Variants in ENPP7 observed in about 807,000 individuals in gnomAD.
ENPP7 encodes the protein ectonucleotide pyrophosphatase/phosphodiesterase 7, also known as ectonucleotide pyrophosphatase/phosphodiesterase family member 7.
A neutral mutation model predicts 33.6 loss-of-function variants in ENPP7; 39 were observed. The ratio of observed to expected loss-of-function variants is 1.16; its 90% CI spans 0.90 to 1.52. The LOEUF is 1.52. Ranked by LOEUF, ENPP7 falls within the 40% of genes most tolerant of loss-of-function variation. The pLI, the probability that ENPP7 is intolerant of heterozygous loss-of-function variation, is 0.00. For synonymous variants in ENPP7, 244 were observed against 274.3 expected, an observed-to-expected ratio of 0.89 and a Z score of 1.09; for missense variants, 594 against 641.0, an observed-to-expected ratio of 0.93 and a Z score of 0.79.
Position 79,731,291 on chromosome 17 carries a change from C to A in ENPP7, c.152C>A (p.Thr51Asn), listed in dbSNP as rs781940890. ...TGGAACTACGACCAGGACGTGGACACCCCCAACCTGGACGCCATGGCCCGA... is the reference window on the plus strand; with the variant it reads ...TGGAACTACGACCAGGACGTGGACAACCCCAACCTGGACGCCATGGCCCGA... ...FRWNYDQDVD[T>N]PNLDAMARDG... is the part of the protein sequence containing the mutation. The change falls in exon 1 of 6, where the codon ACC (threonine) becomes AAC (asparagine). Residue 51 changes from threonine (T) to asparagine (N), a missense_variant. Thr to Asn is a moderately conservative substitution (Grantham distance 65). Around this residue, in one of 3 missense-constraint regions of ENPP7, gnomAD observed 85 missense variants for 111.3 expected, o/e 0.76. Coordinates refer to ENST00000328313, the MANE Select transcript of ENPP7 (RefSeq NM_178543.5). 5 of 1,613,582 alleles carry A rather than the reference C, an allele frequency of 3.1e-6. No individual in the cohort carries two copies. Among genetic ancestry groups the A allele is most frequent in the South Asian group, 1.1e-5 (1 of 91,060 alleles).
intron 2 of ENPP7, among the ~76,000 whole-genome samples, chr17:79,733,923 G>A (rs1247282241): frequency 1.3e-5 from 2 of 152,210 alleles, no homozygotes; most frequent in Non-Finnish European, 2.9e-5. Flanking sequence ...GGGAGCAAGA[G>A]GGATTGCTCT....
At position 79,735,549 on chromosome 17, in the gene ENPP7, C is replaced by A. The variant is rs377163633; in HGVS notation, c.906C>A (p.Asp302Glu). The A allele has an allele frequency of 6.2e-7, 1 of 1,613,896 alleles. No individual in the cohort carries two copies. Among genetic ancestry groups the A allele is most frequent in the Admixed American group, 1.7e-5 (1 of 60,018 alleles). ...AGAAGGTGTACGATGCCCTCAAGGACGCCCACCCCAAGCTCCACGTCTACA... is the reference window on the plus strand; with the variant it reads ...AGAAGGTGTACGATGCCCTCAAGGAAGCCCACCCCAAGCTCCACGTCTACA... ...RLEKVYDALK[D>E]AHPKLHVYKK... The change falls in exon 3 of 6, where the codon GAC becomes GAA. Residue 302 changes from aspartate (D) to glutamate (E), a missense_variant. Transcript: ENST00000328313. The surrounding 1 kb of genome is among the most constrained non-coding windows in gnomAD (Gnocchi z 5.5).
rs1555822906 is a variant in ENPP7, at chr17:79,733,356, G to A, written c.254-152G>A. 1.6e-5 allele frequency: 12 copies of A among 747,620 alleles called. No individual in the cohort carries two copies. In the South Asian group the frequency reaches 1.9e-4, roughly 12 times the overall value. 46.3% of individuals were successfully genotyped at this position (747,620 alleles called of 1,614,324 possible). A position where few individuals can be genotyped will look rare whatever the true frequency, so the allele number is the denominator to read the frequency against. On this transcript the variant is annotated intron_variant, in intron 1 of 5. Transcript: ENST00000328313. ...CTCCCACGGGGCAGTGCAGGAGGAAGTCTGCTCCCCCCAGCCCTGCCCCAG... is the reference window on the plus strand; with the variant it reads ...CTCCCACGGGGCAGTGCAGGAGGAAATCTGCTCCCCCCAGCCCTGCCCCAG...
In ENPP7 at chr17:79,737,095, G is replaced by C. The variant is rs782087370; in HGVS notation, c.1081G>C (p.Asp361His). The change falls in exon 4 of 6, where the codon GAC becomes CAC. Residue 361 changes from aspartate to histidine, a missense_variant. By Grantham distance (81) the Asp-to-His change is moderately conservative. This residue lies in a region of ENPP7 where 504 missense variants were observed against 512.8 expected (regional missense o/e 0.98). Transcript: ENST00000328313. This position sits in a 1 kb window ranked among gnomAD's most constrained non-coding sequence, Gnocchi z 5.5. ...GEHGFDNKDM[D>H]MKTIFRAVGP... ...GCACGGCTTTGACAACAAGGACATG[G>C]ACATGAAGACCATCTTCCGCGCTGT... 8 of 1,614,176 alleles carry C rather than the reference G, an allele frequency of 5.0e-6. No homozygotes were observed. The South Asian group carries it at 8.8e-5, about 18-fold the overall frequency.
In ENPP7 at chr17:79,737,286, C is replaced by T. The variant is rs782448727; in HGVS notation, c.1246+26C>T. 7.0e-5 allele frequency: 108 copies of T among 1,552,084 alleles called. No homozygotes were observed. The highest frequency in any genetic ancestry group is 1.8e-4 in the Middle Eastern group (1 of 5,502). On this transcript the variant is annotated intron_variant, in intron 4 of 5. Transcript: ENST00000328313. This position sits in a 1 kb window ranked among gnomAD's most constrained non-coding sequence, Gnocchi z 5.5. ...GTGAGGGCAGGGTGCCCCAAATCCC[C>T]GCCTGCTCTGGTGTGTACACGTGTG...
rs782320554 is a variant in ENPP7 at position 79,735,269 on chromosome 17, C to A, written c.626C>A (p.Ser209Tyr). The change falls in exon 3 of 6, where the codon TCC becomes TAC. Residue 209 changes from serine (S) to tyrosine (Y), a missense_variant. This residue lies in a region of ENPP7 where 504 missense variants were observed against 512.8 expected (regional missense o/e 0.98). Transcript: ENST00000328313. The surrounding 1 kb of genome is among the most constrained non-coding windows in gnomAD (Gnocchi z 5.5). ...DSTGHRYGPE[S>Y]PERREMVRQV... is the part of the protein sequence containing the mutation. ...ACGGGCCACAGGTACGGCCCCGAGTCCCCGGAGAGGAGGGAGATGGTGCGG... is the reference window on the plus strand; with the variant it reads ...ACGGGCCACAGGTACGGCCCCGAGTACCCGGAGAGGAGGGAGATGGTGCGG... 1.9e-6 allele frequency: 3 copies of A among 1,613,384 alleles called. No individual in the cohort carries two copies. Among genetic ancestry groups the A allele is most frequent in the South Asian group, 1.1e-5 (1 of 91,072 alleles).
At position 79,739,809 on chromosome 17, in the gene ENPP7, G is replaced by A. The variant is rs901448800; in HGVS notation, c.*16+1747G>A. ...CTCAATGAAAGCCCCCAGCCAGAAG[G>A]AGTGGACTGAGAAGAGATGGTGACC... On this transcript the variant is annotated intron_variant, in intron 5 of 5. Transcript: ENST00000328313. The surrounding 1 kb of genome is among the most constrained non-coding windows in gnomAD (Gnocchi z 4.4). Among the ~76,000 whole-genome samples the A allele has an allele frequency of 7.9e-5, 12 of 152,238 alleles. No homozygotes were observed. Among genetic ancestry groups the A allele is most frequent in the Non-Finnish European group, 1.6e-4 (11 of 68,040 alleles).
chr17:79,733,387 C>G (rs943152806), intron 1 of ENPP7, 121 bp from the exon 2 acceptor site: 1 of 1,056,170 alleles, frequency 9.5e-7, no homozygotes, highest in Non-Finnish European at 1.4e-6. Context: ...CCCAGGCCCA[C>G]TCCCCACCCA....
At position 79,733,649 on chromosome 17, in the gene ENPP7, G is replaced by A; in HGVS notation, c.395G>A (p.Arg132Lys). 1 of 1,610,368 alleles carries A rather than the reference G, an allele frequency of 6.2e-7. No homozygotes were observed. Among genetic ancestry groups the A allele is most frequent in the Non-Finnish European group, 8.5e-7 (1 of 1,179,120 alleles). ...GTGCCCATCTGGATCACAGCCCAGA[G>A]GCAGGTAATGTCACCCCCGCCCATA... is the stretch of plus-strand genomic sequence containing the variant. ...GSVPIWITAQ[R>K]QGLRAGSFFY... Residue 132 changes from arginine (R) to lysine (K), a missense_variant, in exon 2 of 6, where the codon AGG (arginine) becomes AAG (lysine). Coordinates refer to ENST00000328313, the MANE Select transcript of ENPP7 (RefSeq NM_178543.5).
chr17:79,737,302 T>C lies in ENPP7; in HGVS notation c.1246+42T>C. The C allele has an allele frequency of 5.4e-6, 8 of 1,477,738 alleles. No individual in the cohort carries two copies. Among genetic ancestry groups the C allele is most frequent in the African/African-American group, 1.4e-5 (1 of 72,220 alleles). The allele number at this position is 1,477,738 out of a possible 1,614,324, so 91.5% of individuals were successfully genotyped here. A position where few individuals can be genotyped will look rare whatever the true frequency, so the allele number is the denominator to read the frequency against. On this transcript the variant is annotated intron_variant, in intron 4 of 5. Transcript: ENST00000328313. This position sits in a 1 kb window ranked among gnomAD's most constrained non-coding sequence, Gnocchi z 5.5. ...CCAAATCCCCGCCTGCTCTGGTGTGTACACGTGTGCACACGAGGGTGCCTG... is the reference window on the plus strand; with the variant it reads ...CCAAATCCCCGCCTGCTCTGGTGTGCACACGTGTGCACACGAGGGTGCCTG...
chr17:79,737,194 C>T lies in ENPP7; in HGVS notation c.1180C>T (p.Leu394=), dbSNP rs1555823782. The T allele has an allele frequency of 3.1e-6, 5 of 1,613,256 alleles. No individual in the cohort carries two copies. The highest frequency in any genetic ancestry group is 1.1e-5 in the South Asian group (1 of 91,086). Reference sequence around the variant, plus strand: ...CCACGTGTACGAGCTCATGTGCCGGCTGCTGGGCATCGTGCCCGAGGCCAA... The same window carrying T: ...CCACGTGTACGAGCTCATGTGCCGGTTGCTGGGCATCGTGCCCGAGGCCAA... The part of the protein sequence containing the change: ...SVHVYELMCR[L]LGIVPEANDG... Residue 394 remains leucine (L), a synonymous_variant, in exon 4 of 6, where the codon CTG becomes TTG. Coordinates refer to ENST00000328313, the MANE Select transcript of ENPP7 (RefSeq NM_178543.5). The surrounding 1 kb of genome is among the most constrained non-coding windows in gnomAD (Gnocchi z 5.5).
At position 79,738,959 on chromosome 17, in the gene ENPP7, G is replaced by A. The variant is rs2094300907; in HGVS notation, c.*16+897G>A. On this transcript the variant is annotated intron_variant, in intron 5 of 5. Coordinates refer to ENST00000328313, the MANE Select transcript of ENPP7 (RefSeq NM_178543.5). The surrounding 1 kb of genome is among the most constrained non-coding windows in gnomAD (Gnocchi z 6.2). Reference sequence around the variant, plus strand: ...ACCTGTCATTTAAAGGTGCAAGAAAGCAGAGAACACAAAAGCAAATGAATC... The same window carrying A: ...ACCTGTCATTTAAAGGTGCAAGAAAACAGAGAACACAAAAGCAAATGAATC... 1 of 152,328 alleles carries A rather than the reference G, an allele frequency of 6.6e-6. No individual in the cohort carries two copies. Among genetic ancestry groups the A allele is most frequent in the African/African-American group, 2.4e-5 (1 of 41,470 alleles). 9.4% of individuals were successfully genotyped at this position (152,328 alleles called of 1,614,324 possible). A position where few individuals can be genotyped will look rare whatever the true frequency, so the allele number is the denominator to read the frequency against.
chr17:79,731,986 T>C (rs2094286271), intron 1 of ENPP7, among the ~76,000 whole-genome samples: 1 of 151,322 alleles, frequency 6.6e-6, no homozygotes, highest in Non-Finnish European at 1.5e-5. Flanking sequence ...TAATCCCAGC[T>C]ACTTGGGAGG....
chr17:79,734,644 A>AT (rs1170253523), intron 2 of ENPP7, among the ~76,000 whole-genome samples: 8 of 151,880 alleles, frequency 5.3e-5, no homozygotes, highest in Non-Finnish European at 7.4e-5. Flanking sequence ...CGCCTGGCTA[A>AT]TTTTTTTGTA....
chr17:79,734,237 C>T (rs72855480), intron 2 of ENPP7, among the ~76,000 whole-genome samples: 3 of 144,444 alleles, frequency 2.1e-5, no homozygotes, highest in Non-Finnish European at 3.0e-5. Flanking sequence ...TCCAAGATGA[C>T]GCTGGAATAA....
In ENPP7 at chr17:79,733,025, C is replaced by A. The variant is rs147991320; in HGVS notation, c.254-483C>A. 4.5e-3 allele frequency among the ~76,000 whole-genome samples: 692 copies of A among 152,324 alleles called. 7 individuals carry two copies. Among genetic ancestry groups the A allele is most frequent in the African/African-American group, 0.016 (673 of 41,564 alleles). ...CCTTTTGGACTTAGTACCATGTGCACGTGTTTCCTGTACAAAAATAAATTC... is the reference window on the plus strand; with the variant it reads ...CCTTTTGGACTTAGTACCATGTGCAAGTGTTTCCTGTACAAAAATAAATTC... On this transcript the variant is annotated intron_variant, in intron 1 of 5. Coordinates refer to ENST00000328313, the MANE Select transcript of ENPP7 (RefSeq NM_178543.5).
At position 79,737,250 on chromosome 17, in the gene ENPP7, G is replaced by C. The variant is rs142884598; in HGVS notation, c.1236G>C (p.Met412Ile). 1 of 1,603,690 alleles carries C rather than the reference G, an allele frequency of 6.2e-7. No individual in the cohort carries two copies. Among genetic ancestry groups the C allele is most frequent in the Admixed American group, 1.7e-5 (1 of 59,152 alleles). The change falls in exon 4 of 6, where the codon ATG becomes ATC. Residue 412 changes from methionine to isoleucine, a missense_variant. Physicochemically the swap from Met to Ile is conservative, Grantham distance 10. Coordinates refer to ENST00000328313, the MANE Select transcript of ENPP7 (RefSeq NM_178543.5). The surrounding 1 kb of genome is among the most constrained non-coding windows in gnomAD (Gnocchi z 5.5). ...NDGHLATLLP[M>I]LHTESALPPD... is the part of the protein sequence containing the mutation. ...GGCACCTAGCTACTCTGCTGCCCAT[G>C]CTGCACACAGGTGAGGGCAGGGTGC...
Position 79,737,516 on chromosome 17 carries a change from G to C in ENPP7, c.1246+256G>C, listed in dbSNP as rs2094298171. On this transcript the variant is annotated intron_variant, in intron 4 of 5. Transcript: ENST00000328313. This position sits in a 1 kb window ranked among gnomAD's most constrained non-coding sequence, Gnocchi z 5.5. ...TCAAGAAGGGGCTGGAGGGAGCGAGGGTGGCCCAGGCGGGCCTGCTGTGCA... is the reference window on the plus strand; with the variant it reads ...TCAAGAAGGGGCTGGAGGGAGCGAGCGTGGCCCAGGCGGGCCTGCTGTGCA... Among the ~76,000 whole-genome samples, 1 of 152,158 alleles carries C rather than the reference G, an allele frequency of 6.6e-6. No individual in the cohort carries two copies. Among genetic ancestry groups the C allele is most frequent in the Non-Finnish European group, 1.5e-5 (1 of 68,012 alleles).
intron 3 of ENPP7, among the ~76,000 whole-genome samples, chr17:79,736,488 G>A (rs893075527): frequency 6.6e-6 from 1 of 152,180 alleles, no homozygotes; most frequent in Non-Finnish European, 1.5e-5. Flanking sequence ...GGCAGTGGGA[G>A]TGTGTGTGCA....
Sources: gnomAD v4.1 joint callset for allele counts (sites outside exome capture counted in the v4.1 genomes callset) on GRCh38, gnomAD v4.1.1 for gene constraint, gnomAD v4.1.1 regional missense constraint, Gnocchi (gnomAD v3.1) non-coding constraint, MANE v1.5 for transcripts, NCBI Gene and HGNC (gene_info 2026-07-23, HGNC 2026-07-21) for gene names.